The following ADCY10 variants were observed in gnomAD, a reference collection of about 807,000 sequenced individuals.
ADCY10 encodes the protein adenylate cyclase 10, also known as adenylate cyclase type 10.
Under a neutral mutation model 183.3 loss-of-function variants are expected in ADCY10, and 156 were observed. That is an observed-to-expected ratio of 0.85 (90% CI 0.75 to 0.97). The LOEUF (loss-of-function observed/expected upper bound fraction) is 0.97, where lower values mean the gene tolerates loss of function less well. Among genes scored for constraint, ADCY10 ranks in the 50% least tolerant of loss-of-function variants. The pLI is 0.00. For missense variants in ADCY10, 1,745 were observed against 1,934.3 expected (o/e 0.90, Z 1.84); for synonymous variants, 645 against 670.0 (o/e 0.96, Z 0.58).
chr1:167,880,372 T>A, intron 10 of ADCY10, 119 bp downstream of exon 10: 1 of 970,204 alleles, frequency 1.0e-6, no homozygotes. Flanking sequence ...AACAACAGTT[T>A]GAGACACAGG....
intron 1 of ADCY10, among the ~76,000 whole-genome samples, chr1:167,912,392 T>A (rs1287018868): frequency 1.3e-5 from 2 of 152,206 alleles, no homozygotes; most frequent in African/African-American, 2.4e-5. Context: ...GCCCCACATG[T>A]TCCTGGCAAC....
At chr1:167,829,603 A>G (rs1202228434) in intron 25 of ADCY10, among the ~76,000 whole-genome samples, 180 bp from the exon 26 acceptor site, 2 of 152,228 alleles carry the variant, frequency 1.3e-5, no homozygotes, top group Admixed American at 1.3e-4. Context: ...CATTTTCTTC[A>G]TTGTAAAATG....
chr1:167,838,857 A>G (rs1039626625), intron 21 of ADCY10, among the ~76,000 whole-genome samples: 2 of 152,210 alleles, frequency 1.3e-5, no homozygotes, highest in African/African-American at 4.8e-5. Flanking sequence ...AACTTTTCCT[A>G]ACATAGTAAG....
chr1:167,816,861 TAAAG>T (rs756807221), intron 31 of ADCY10, among the ~76,000 whole-genome samples: 7 of 152,128 alleles, frequency 4.6e-5, no homozygotes, highest in African/African-American at 7.2e-5. Context: ...TAGATCTACA[TAAAG>T]AAAGAAAGCA....
At chr1:167,871,979 C>A (rs894781870) in intron 13 of ADCY10, among the ~76,000 whole-genome samples, 3 of 152,132 alleles carry the variant, frequency 2.0e-5, no homozygotes, top group Non-Finnish European at 4.4e-5. Context: ...ATGTAACAAA[C>A]CTGCACGTTG....
chr1:167,872,636 C>T (rs963828750), intron 13 of ADCY10, among the ~76,000 whole-genome samples: 6 of 151,324 alleles, frequency 4.0e-5, no homozygotes, highest in African/African-American at 1.5e-4. Context: ...TTATAGCAGC[C>T]CTTGTAAAAG....
Position 167,828,846 on chromosome 1 carries a change from C to T in ADCY10, c.3750+421G>A, listed in dbSNP as rs150777382. 5.3e-3 allele frequency among the ~76,000 whole-genome samples: 808 copies of T among 152,086 alleles called. 9 individuals are homozygous for T. Among genetic ancestry groups the T allele is most frequent in the African/African-American group, 0.019 (777 of 41,466 alleles). ...GTGTGGTGGCGCATGCCTGTAGTCC[C>T]AGCTACTCAGGAGGATGAGGCAAGA... is the stretch of plus-strand genomic sequence containing the variant. On this transcript the variant is annotated intron_variant, in intron 26 of 32. Coordinates refer to ENST00000367851, the MANE Select transcript of ADCY10 (RefSeq NM_018417.6).
intron 11 of ADCY10, among the ~76,000 whole-genome samples, chr1:167,878,959 G>C (rs1189029881): frequency 1.3e-5 from 2 of 152,238 alleles, no homozygotes; most frequent in Non-Finnish European, 2.9e-5. Context: ...GAAGGTGTCA[G>C]TTGGTCTTCT....
intron 30 of ADCY10, among the ~76,000 whole-genome samples, chr1:167,819,284 C>G (rs190879578): frequency 3.6e-4 from 52 of 146,442 alleles, no homozygotes; most frequent in African/African-American, 1.2e-3. Context: ...GAGTTTCACC[C>G]TTGTTGACCA....
At chr1:167,820,534 T>C (rs1006206015) in intron 30 of ADCY10, 15 of 351,504 alleles carry the variant, frequency 4.3e-5, no homozygotes, top group African/African-American at 2.7e-4. Context: ...TTCTGGACTT[T>C]AGATTCCTTA....
At chr1:167,811,044 G>GTAT in intron 31 of ADCY10, 131 bp from the exon 32 acceptor site, 1 of 822,172 alleles carries the variant, frequency 1.2e-6, no homozygotes, top group Non-Finnish European at 2.0e-6. Context: ...ACATTATAGA[G>GTAT]ACATACACAG....
intron 8 of ADCY10, among the ~76,000 whole-genome samples, chr1:167,888,266 T>C (rs1177374972): frequency 6.6e-6 from 1 of 152,208 alleles, no homozygotes; most frequent in African/African-American, 2.4e-5. Context: ...CTGGGTCTTT[T>C]GTGGTTCCAT....
At chr1:167,885,679 C>T (rs1328680478) in intron 8 of ADCY10, among the ~76,000 whole-genome samples, 2 of 152,012 alleles carry the variant, frequency 1.3e-5, no homozygotes, top group Non-Finnish European at 2.9e-5. Flanking sequence ...TGCAGTGGCA[C>T]ATCTCATCTC....
At position 167,896,653 on chromosome 1, in the gene ADCY10, A is replaced by C. The variant is rs770890362; in HGVS notation, c.681T>G (p.Asp227Glu). 2 of 1,613,588 alleles carry C rather than the reference A, an allele frequency of 1.2e-6. No individual in the cohort carries two copies. Among genetic ancestry groups the C allele is most frequent in the African/African-American group, 2.7e-5 (2 of 74,914 alleles). ...FLKPPPNFNF[D>E]EFFTKCTTFM... is the part of the protein sequence containing the mutation. ...AGGTCGTACACTTTGTGAAAAATTC[A>C]TCAAAATTAAAATTGGGGGGTGGTT... The change falls in exon 7 of 33, where the codon GAT becomes GAG. Residue 227 changes from aspartate (D) to glutamate (E), a missense_variant. Transcript: ENST00000367851.
Position 167,841,509 on chromosome 1 carries a change from T to TTTTTTG in ADCY10, c.3007+4053_3007+4054insCAAAAA, listed in dbSNP as rs1187299667. On this transcript the variant is annotated intron_variant, in intron 21 of 32. Coordinates refer to ENST00000367851, the MANE Select transcript of ADCY10 (RefSeq NM_018417.6). ...CTTATACTATATGCTTTCCTTTTTT[T>TTTTTTG]TTTTTTTTTTTTTTAAGAGTTGGGG... 1.0e-4 allele frequency among the ~76,000 whole-genome samples: 15 copies of TTTTTTG among 146,808 alleles called. 1 individual carries two copies. The highest frequency in any genetic ancestry group is 1.9e-4 in the Non-Finnish European group (13 of 67,010).
At chr1:167,840,279 T>C (rs776440748) in intron 21 of ADCY10, among the ~76,000 whole-genome samples, 2 of 151,610 alleles carry the variant, frequency 1.3e-5, no homozygotes, top group Non-Finnish European at 2.9e-5. Context: ...AAAGATTGGA[T>C]AGATAAAGCA....
At chr1:167,903,251 G>T (rs1460315466) in intron 3 of ADCY10, among the ~76,000 whole-genome samples, 3 of 143,630 alleles carry the variant, frequency 2.1e-5, no homozygotes, top group Admixed American at 1.4e-4. Flanking sequence ...GTGAGACTCT[G>T]ACTCAAAAAA....
intron 14 of ADCY10, among the ~76,000 whole-genome samples, chr1:167,869,105 A>G (rs901426941): frequency 2.1e-4 from 32 of 152,242 alleles, no homozygotes; most frequent in African/African-American, 6.5e-4. Flanking sequence ...AAACATGACA[A>G]AACTGGCACA....
intron 16 of ADCY10, among the ~76,000 whole-genome samples, chr1:167,858,270 T>G (rs891882759): frequency 6.6e-6 from 1 of 151,944 alleles, no homozygotes; most frequent in South Asian, 2.1e-4. Flanking sequence ...GAGGCTGAGA[T>G]GGGCGGATCA....
Sources: allele counts gnomAD v4.1 joint callset (sites outside exome capture counted in the v4.1 genomes callset), GRCh38; gene constraint gnomAD v4.1.1; transcripts MANE v1.5; gene names NCBI Gene and HGNC (gene_info 2026-07-23, HGNC 2026-07-21).